PCDHGA1: variants seen among roughly 807,000 people sequenced by gnomAD.
The protein encoded by PCDHGA1 is protocadherin gamma subfamily A, 1.
In PCDHGA1, 32 loss-of-function variants were observed where a neutral mutation model predicts 58.0. The ratio of observed to expected loss-of-function variants is 0.55; its 90% CI spans 0.42 to 0.74. The LOEUF (loss-of-function observed/expected upper bound fraction) is 0.74, where lower values mean the gene tolerates loss of function less well. Among genes scored for constraint, PCDHGA1 ranks in the 30% least tolerant of loss-of-function variants. The pLI is 0.00. For synonymous variants in PCDHGA1, 498 were observed against 501.1 expected (o/e 0.99, Z 0.08); for missense variants, 1,205 against 1,182.3 (o/e 1.02, Z -0.28).
intron 1 of PCDHGA1, chr5:141,360,369 C>A (rs371508602): frequency 1.9e-6 from 3 of 1,613,726 alleles, no homozygotes; most frequent in Non-Finnish European, 2.5e-6. Context: ...TCACAGTAAA[C>A]CCAGAAAGCG....
In PCDHGA1 at chr5:141,431,023, C is replaced by T. The variant is rs374655655; in HGVS notation, c.2422-63784C>T. 1 of 1,613,748 alleles carries T rather than the reference C, an allele frequency of 6.2e-7. No homozygotes were observed. On this transcript the variant is annotated intron_variant, in intron 1 of 3. Coordinates refer to ENST00000517417, the MANE Select transcript of PCDHGA1 (RefSeq NM_018912.3). This position sits in a 1 kb window ranked among gnomAD's most constrained non-coding sequence, Gnocchi z 4.8. Reference sequence around the variant, plus strand: ...GCAGCGGCAGCTTGGTCACGGCGGGCAGGATAGACCGGGAGGAGCTCTGTA... The same window carrying T: ...GCAGCGGCAGCTTGGTCACGGCGGGTAGGATAGACCGGGAGGAGCTCTGTA...
chr5:141,432,070 T>C lies in PCDHGA1; in HGVS notation c.2422-62737T>C. 6.2e-7 allele frequency: 1 copy of C among 1,614,136 alleles called. No homozygotes were observed. The highest frequency in any genetic ancestry group is 2.2e-5 in the East Asian group (1 of 44,860). ...CCCCGCCCCTATCCACGGAAACTCATATCTCGCTGAACGTGGCAGACACCA... is the reference window on the plus strand; with the variant it reads ...CCCCGCCCCTATCCACGGAAACTCACATCTCGCTGAACGTGGCAGACACCA... On this transcript the variant is annotated intron_variant, in intron 1 of 3. Transcript: ENST00000517417. The surrounding 1 kb of genome is among the most constrained non-coding windows in gnomAD (Gnocchi z 6.0).
chr5:141,376,273 T>C (rs765392169), intron 1 of PCDHGA1: 25 of 1,613,968 alleles, frequency 1.5e-5, no homozygotes, highest in Non-Finnish European at 1.9e-5. Context: ...CTTCGGGAGG[T>C]GGCTTAGCGA....
At position 141,498,660 on chromosome 5, in the gene PCDHGA1, G is replaced by A. The variant is rs969314533; in HGVS notation, c.2480+3795G>A. Among the ~76,000 whole-genome samples, 11 of 152,192 alleles carry A rather than the reference G, an allele frequency of 7.2e-5. No homozygotes were observed. In the East Asian group the frequency reaches 9.6e-4, roughly 13 times the overall value. ...GAAGGAAGAAGACCTGGCCAGGTGT[G>A]GTGGCTCACGCCTGTAATCCCAGCA... is the stretch of plus-strand genomic sequence containing the variant. On this transcript the variant is annotated intron_variant, in intron 2 of 3. Coordinates refer to ENST00000517417, the MANE Select transcript of PCDHGA1 (RefSeq NM_018912.3).
intron 1 of PCDHGA1, among the ~76,000 whole-genome samples, chr5:141,454,731 G>T (rs1249851832): frequency 6.7e-6 from 1 of 150,262 alleles, no homozygotes; most frequent in Non-Finnish European, 1.5e-5. Context: ...ATATGTTATA[G>T]GATGAAAAGA....
intron 1 of PCDHGA1, chr5:141,364,279 G>A: frequency 1.3e-6 from 2 of 1,515,964 alleles, no homozygotes; most frequent in Non-Finnish European, 1.8e-6. Flanking sequence ...AGATAAATAA[G>A]GAAACAGCAG....
At chr5:141,385,897 T>G (rs1239530596) in intron 1 of PCDHGA1, 1 of 152,628 alleles carries the variant, frequency 6.6e-6, no homozygotes, top group East Asian at 1.9e-4. Flanking sequence ...GAAATGTGTG[T>G]GTATCACACT....
In PCDHGA1 at chr5:141,364,605, G is replaced by A. The variant is rs1380468665; in HGVS notation, c.2421+31500G>A. On this transcript the variant is annotated intron_variant, in intron 1 of 3. Coordinates refer to ENST00000517417, the MANE Select transcript of PCDHGA1 (RefSeq NM_018912.3). Reference sequence around the variant, plus strand: ...TTGGTCACCGCGGGCAGGATAGACCGGGAGGAGCTCTGCGCTCAGAGCCCA... The same window carrying A: ...TTGGTCACCGCGGGCAGGATAGACCAGGAGGAGCTCTGCGCTCAGAGCCCA... 6 of 1,614,186 alleles carry A rather than the reference G, an allele frequency of 3.7e-6. No individual in the cohort carries two copies. Among genetic ancestry groups the A allele is most frequent in the Middle Eastern group, 1.6e-4 (1 of 6,062 alleles).
chr5:141,438,358 G>A (rs1160913890), intron 1 of PCDHGA1, among the ~76,000 whole-genome samples: 1 of 151,634 alleles, frequency 6.6e-6, no homozygotes. Context: ...TCTGTGTATT[G>A]TCATTGAGGG....
chr5:141,426,371 C>T (rs987346395), intron 1 of PCDHGA1: 4 of 217,048 alleles, frequency 1.8e-5, no homozygotes, highest in African/African-American at 9.0e-5. Context: ...TGCGGGGCAC[C>T]CTCGGAGCAG....
chr5:141,370,216 C>A, intron 1 of PCDHGA1: 1 of 567,976 alleles, frequency 1.8e-6, no homozygotes, highest in Non-Finnish European at 3.0e-6. Context: ...TGGCTCCTCC[C>A]GCTGCAGCCA....
rs370792537 is a variant in PCDHGA1 at position 141,370,669 on chromosome 5, G to A, written c.2421+37564G>A. ...TTACTTGTGAGCGACCGTATAGACC[G>A]AGAGGAGATTTGTGGCAAGAAGTCG... is the stretch of plus-strand genomic sequence containing the variant. On this transcript the variant is annotated intron_variant, in intron 1 of 3. Coordinates refer to ENST00000517417, the MANE Select transcript of PCDHGA1 (RefSeq NM_018912.3). The A allele has an allele frequency of 5.6e-6, 9 of 1,613,788 alleles. No homozygotes were observed. In the East Asian group the frequency reaches 1.1e-4, roughly 20 times the overall value.
chr5:141,403,620 C>T (rs1561689160), intron 1 of PCDHGA1: 1 of 1,613,916 alleles, frequency 6.2e-7, no homozygotes, highest in Non-Finnish European at 8.5e-7. Context: ...CCGCGTCGCT[C>T]CAGCACAGTG....
chr5:141,341,580 G>A (rs1392302921), intron 1 of PCDHGA1: 4 of 1,211,726 alleles, frequency 3.3e-6, no homozygotes, highest in Non-Finnish European at 3.4e-6. Flanking sequence ...AAGAAGAGAC[G>A]TGAGAATCTT....
intron 1 of PCDHGA1, among the ~76,000 whole-genome samples, chr5:141,348,005 C>A (rs1001177400): frequency 1.3e-5 from 2 of 152,128 alleles, no homozygotes; most frequent in Admixed American, 6.5e-5. Flanking sequence ...TCAGCCTCTG[C>A]GGGAGATTTC....
chr5:141,357,353 G>A (rs772395094), intron 1 of PCDHGA1: 1 of 1,614,124 alleles, frequency 6.2e-7, no homozygotes, highest in Middle Eastern at 1.6e-4. Context: ...AAGCTGAGAC[G>A]CTGGCACAAG....
At chr5:141,479,003 C>A (rs2099485569) in intron 1 of PCDHGA1, among the ~76,000 whole-genome samples, 1 of 152,176 alleles carries the variant, frequency 6.6e-6, no homozygotes, top group African/African-American at 2.4e-5. Flanking sequence ...AAACTAATAG[C>A]TTTTTGATAA....
At chr5:141,387,774 G>C (rs2091089351) in intron 1 of PCDHGA1, 3 of 1,445,206 alleles carry the variant, frequency 2.1e-6, no homozygotes, top group East Asian at 2.5e-5. Context: ...ATTTTTTCTT[G>C]AACTGGAACT....
chr5:141,494,923 G>A lies in PCDHGA1; in HGVS notation c.2480+58G>A, dbSNP rs572227346. Reference sequence around the variant, plus strand: ...TCTGCGGCATTTTCTCAGGGATGACGTGGGAGGAGATGGGGGAGGGCCCAG... The same window carrying A: ...TCTGCGGCATTTTCTCAGGGATGACATGGGAGGAGATGGGGGAGGGCCCAG... On this transcript the variant is annotated intron_variant, in intron 2 of 3. Coordinates refer to ENST00000517417, the MANE Select transcript of PCDHGA1 (RefSeq NM_018912.3). The A allele has an allele frequency of 8.9e-5, 143 of 1,613,698 alleles. 1 individual carries two copies. In the Middle Eastern group the frequency reaches 1.8e-3, roughly 20 times the overall value.
Sources: gnomAD v4.1 joint callset for allele counts (sites outside exome capture counted in the v4.1 genomes callset) on GRCh38, gnomAD v4.1.1 for gene constraint, Gnocchi (gnomAD v3.1) non-coding constraint, MANE v1.5 for transcripts, NCBI Gene and HGNC (gene_info 2026-07-23, HGNC 2026-07-21) for gene names.